LOXHD1: variants seen among roughly 807,000 people sequenced by gnomAD.
LOXHD1 encodes lipoxygenase homology PLAT domains 1, also known as lipoxygenase homology domain-containing protein 1.
LOXHD1 carries 205 observed loss-of-function variants against 248.2 expected under a neutral mutation model. The ratio of observed to expected loss-of-function variants is 0.83; its 90% CI spans 0.74 to 0.93. The LOEUF (loss-of-function observed/expected upper bound fraction) is 0.93, where lower values mean the gene tolerates loss of function less well. Among genes scored for constraint, LOXHD1 ranks in the 40% least tolerant of loss-of-function variants. The pLI, the probability that LOXHD1 is intolerant of heterozygous loss-of-function variation, is 0.00. For synonymous variants in LOXHD1, 1,113 were observed against 1,162.8 expected (o/e 0.96, Z 0.87); for missense variants, 2,930 against 2,971.6 (o/e 0.99, Z 0.33).
chr18:46,562,580 G>C (rs2037551932), intron 18 of LOXHD1, among the ~76,000 whole-genome samples: 1 of 152,188 alleles, frequency 6.6e-6, no homozygotes, highest in African/African-American at 2.4e-5. Context: ...TGGCTGGGAA[G>C]CATTTCCTTG....
chr18:46,651,645 A>G (rs2039113189), intron 1 of LOXHD1, among the ~76,000 whole-genome samples: 1 of 152,038 alleles, frequency 6.6e-6, no homozygotes, highest in Non-Finnish European at 1.5e-5. Flanking sequence ...AATGGACACA[A>G]ACCATTAAAA....
chr18:46,648,284 C>CA (rs1161113269), intron 2 of LOXHD1, among the ~76,000 whole-genome samples: 8 of 151,850 alleles, frequency 5.3e-5, no homozygotes, highest in Non-Finnish European at 4.4e-5. Flanking sequence ...AAAACAAAAA[C>CA]AAAAAACAAT....
chr18:46,639,930 T>C (rs2038942393), intron 3 of LOXHD1, 130 bp from the exon 4 acceptor site: 1 of 1,137,244 alleles, frequency 8.8e-7, no homozygotes, highest in Non-Finnish European at 1.2e-6. Context: ...CTTTATCTCC[T>C]GAACCTCGGT....
At position 46,529,027 on chromosome 18, in the gene LOXHD1, G is replaced by C. The variant is rs150717346; in HGVS notation, c.4530+150C>G. 4.9e-4 allele frequency: 455 copies of C among 935,526 alleles called. 4 individuals carry two copies. The African/African-American group carries it at 7.1e-3, about 15-fold the overall frequency. The allele number at this position is 935,526 out of a possible 1,614,324, so 58.0% of individuals were successfully genotyped here. On this transcript the variant is annotated intron_variant, in intron 29 of 40. Coordinates refer to ENST00000642948, the MANE Select transcript of LOXHD1 (RefSeq NM_001384474.1). ...TAGGAGAGGGGAATAAGGCACACTT[G>C]CAAGGGAAGGGCAAGGGCAGAGGCC...
chr18:46,507,732 C>G lies in LOXHD1; in HGVS notation c.5518-20G>C, dbSNP rs576170810. On this transcript the variant is annotated intron_variant, in intron 35 of 40. Coordinates refer to ENST00000642948, the MANE Select transcript of LOXHD1 (RefSeq NM_001384474.1). ...TAGGATCTGGGGGAGAGGGAGCCAC[C>G]GTGGGAATGCCCTGTCCTCCCTCAC... 120 of 1,543,026 alleles carry G rather than the reference C, an allele frequency of 7.8e-5. No homozygotes were observed. In the East Asian group the frequency reaches 2.6e-3, roughly 34 times the overall value.
Position 46,560,387 on chromosome 18 carries a change from C to T in LOXHD1, c.2757G>A (p.Glu919=). Residue 919 remains glutamate (E), a synonymous_variant, in exon 19 of 41, where the codon GAG becomes GAA. Transcript: ENST00000642948. Reference sequence around the variant, plus strand: ...TGAGCAGCTGCCGCAGCTTGTCCTTCTCCTTCTTCTTCCGGGCCTCCTCCT... The same window carrying T: ...TGAGCAGCTGCCGCAGCTTGTCCTTTTCCTTCTTCTTCCGGGCCTCCTCCT... The part of the protein sequence containing the change: ...TPEEEARKKK[E]KDKLRQLLKK... 6.4e-7 allele frequency: 1 copy of T among 1,552,282 alleles called. No homozygotes were observed. Among genetic ancestry groups the T allele is most frequent in the East Asian group, 2.4e-5 (1 of 41,044 alleles).
At chr18:46,568,968 G>A (rs578146150) in intron 16 of LOXHD1, among the ~76,000 whole-genome samples, 18 of 152,272 alleles carry the variant, frequency 1.2e-4, no homozygotes, top group African/African-American at 4.3e-4. Context: ...AATCTCTCAG[G>A]TGTGGCCCAG....
Position 46,650,307 on chromosome 18 carries a change from G to A in LOXHD1, c.131-1038C>T, listed in dbSNP as rs74519907. 6.6e-5 allele frequency among the ~76,000 whole-genome samples: 10 copies of A among 152,304 alleles called. No homozygotes were observed. In the East Asian group the frequency reaches 9.6e-4, roughly 15 times the overall value. ...TAGGCTGAGAAAATAATAATTCCAC[G>A]TTGGGAAGATGGAATTTACAATGTG... is the stretch of plus-strand genomic sequence containing the variant. On this transcript the variant is annotated intron_variant, in intron 1 of 40. Coordinates refer to ENST00000642948, the MANE Select transcript of LOXHD1 (RefSeq NM_001384474.1).
chr18:46,644,092 T>C (rs1425415276), intron 2 of LOXHD1, among the ~76,000 whole-genome samples: 2 of 152,224 alleles, frequency 1.3e-5, no homozygotes, highest in Non-Finnish European at 2.9e-5. Context: ...ATATTGTTTC[T>C]GTAATTATGA....
chr18:46,590,000 AT>A (rs1211054753), intron 12 of LOXHD1, among the ~76,000 whole-genome samples: 2 of 152,238 alleles, frequency 1.3e-5, no homozygotes, highest in Non-Finnish European at 2.9e-5. Flanking sequence ...TGCTTTAAAA[AT>A]TTAACTAAAC....
At position 46,546,902 on chromosome 18, in the gene LOXHD1, C is replaced by T; in HGVS notation, c.3507G>A (p.Glu1169=). Residue 1169 remains glutamate, a synonymous_variant, in exon 22 of 41, where the codon GAG becomes GAA. Coordinates refer to ENST00000642948, the MANE Select transcript of LOXHD1 (RefSeq NM_001384474.1). ...AGCTCTAGTTTAGAAAACCTTTCTG[C>T]TCCAGGGCCAGGTTGTCGAGGGGGT... ...DNNPLDNLAL[E]QKDKSTTFSV... 1 of 1,549,774 alleles carries T rather than the reference C, an allele frequency of 6.5e-7. No individual in the cohort carries two copies. The highest frequency in any genetic ancestry group is 8.7e-7 in the Non-Finnish European group (1 of 1,145,386).
rs1241454578 is a variant in LOXHD1 at position 46,538,307 on chromosome 18, C to T, written c.3944G>A (p.Ser1315Asn). ...FVPYEITLYT[S>N]DVFAAGTDAN... ...ATCTGTCCCAGCAGCAAAGACATCA[C>T]TGGTGTAGAGGGTGATCTCGTAAGG... The change falls in exon 26 of 41, where the codon AGT becomes AAT. Residue 1315 changes from serine (S) to asparagine (N), a missense_variant. Coordinates refer to ENST00000642948, the MANE Select transcript of LOXHD1 (RefSeq NM_001384474.1). 1.3e-6 allele frequency: 2 copies of T among 1,551,310 alleles called. No individual in the cohort carries two copies. The highest frequency in any genetic ancestry group is 2.7e-5 in the African/African-American group (2 of 73,034).
At chr18:46,547,102 G>T (rs2036881967) in intron 21 of LOXHD1, 44 bp from the exon 22 acceptor site, 3 of 1,550,450 alleles carry the variant, frequency 1.9e-6, no homozygotes, top group Non-Finnish European at 2.6e-6. Flanking sequence ...CTCTTAGAAA[G>T]GTCTCGTCCA....
At chr18:46,562,754 C>T (rs1292177434) in intron 18 of LOXHD1, among the ~76,000 whole-genome samples, 1 of 152,152 alleles carries the variant, frequency 6.6e-6, no homozygotes, top group East Asian at 1.9e-4. Context: ...TCAACGTACA[C>T]CCAGAAAATA....
At chr18:46,501,393 GTTCA>G (rs2034221338) in intron 37 of LOXHD1, among the ~76,000 whole-genome samples, 1 of 152,102 alleles carries the variant, frequency 6.6e-6, no homozygotes, top group South Asian at 2.1e-4. Flanking sequence ...TTGTTAGTGA[GTTCA>G]TTGTTTTAAA....
At chr18:46,639,572 C>A (rs2038936281) in intron 4 of LOXHD1, 44 bp downstream of exon 4, 2 of 1,525,852 alleles carry the variant, frequency 1.3e-6, no homozygotes, top group Non-Finnish European at 1.8e-6. Context: ...GTGAGCCCAG[C>A]CCAGCTAGGG....
intron 16 of LOXHD1, 78 bp downstream of exon 16, chr18:46,569,364 A>T: frequency 8.3e-7 from 1 of 1,211,574 alleles, no homozygotes; most frequent in Middle Eastern, 2.4e-4. Flanking sequence ...GTGTGGACAT[A>T]TGTGTGTGTG....
chr18:46,571,097 A>G (rs974025724), intron 15 of LOXHD1, among the ~76,000 whole-genome samples: 30 of 152,300 alleles, frequency 2.0e-4, no homozygotes, highest in African/African-American at 6.7e-4. Flanking sequence ...CAGATCTTAA[A>G]TTCTGTAATT....
chr18:46,635,445 G>T (rs2038880951), intron 4 of LOXHD1, among the ~76,000 whole-genome samples: 1 of 152,144 alleles, frequency 6.6e-6, no homozygotes, highest in African/African-American at 2.4e-5. Context: ...CTGAGAATAA[G>T]GAGACCCACA....
Sources: gnomAD v4.1 joint callset for allele counts (sites outside exome capture counted in the v4.1 genomes callset) on GRCh38, gnomAD v4.1.1 for gene constraint, MANE v1.5 for transcripts, NCBI Gene and HGNC (gene_info 2026-07-23, HGNC 2026-07-21) for gene names.